The following ULK4 variants were observed in gnomAD, a reference collection of about 807,000 sequenced individuals.
ULK4 encodes inactive serine/threonine-protein kinase ULK4.
ULK4 carries 133 observed loss-of-function variants against 160.6 expected under a neutral mutation model. That is an observed-to-expected ratio of 0.83 (90% CI 0.72 to 0.96). The LOEUF (loss-of-function observed/expected upper bound fraction) is 0.96. Ranked by LOEUF, ULK4 falls within the 40% of genes least tolerant of loss-of-function variation. The pLI is 0.00. For missense variants in ULK4, 1,580 were observed against 1,499.5 expected, an observed-to-expected ratio of 1.05 and a Z score of -0.89; for synonymous variants, 534 against 539.8, an observed-to-expected ratio of 0.99 and a Z score of 0.15.
chr3:41,525,106 A>G (rs559609115), intron 32 of ULK4, among the ~76,000 whole-genome samples: 57 of 152,282 alleles, frequency 3.7e-4, no homozygotes, highest in Non-Finnish European at 1.2e-4. Context: ...TTTTTCTATT[A>G]TCTGCTGTGA....
chr3:41,372,038 G>A (rs1245049050), intron 35 of ULK4, among the ~76,000 whole-genome samples: 2 of 151,724 alleles, frequency 1.3e-5, no homozygotes, highest in East Asian at 3.9e-4. Flanking sequence ...CAGAAGAAAG[G>A]ATATCAGAGA....
intron 30 of ULK4, among the ~76,000 whole-genome samples, chr3:41,642,551 G>T (rs1486149782): frequency 3.9e-5 from 6 of 152,238 alleles, no homozygotes; most frequent in Admixed American, 3.9e-4. Flanking sequence ...AGTATTCCAT[G>T]GTGTATATGT....
At chr3:41,851,260 T>C (rs1017215009) in intron 17 of ULK4, among the ~76,000 whole-genome samples, 1 of 151,736 alleles carries the variant, frequency 6.6e-6, no homozygotes, top group African/African-American at 2.4e-5. Context: ...CATCAATACC[T>C]AATTTATTGA....
In ULK4 at chr3:41,418,347, G is replaced by A. The variant is rs112879717; in HGVS notation, c.3493-20083C>T. Among the ~76,000 whole-genome samples the A allele has an allele frequency of 2.0e-4, 29 of 145,854 alleles. 1 individual carries two copies. The highest frequency in any genetic ancestry group is 5.3e-4 in the African/African-American group (21 of 39,414). ...TACTTTTTTTCTTAATTTGGCGGGG[G>A]GGGGGGCACGTTTCTAAGCTACACA... is the stretch of plus-strand genomic sequence containing the variant. On this transcript the variant is annotated intron_variant, in intron 34 of 36. Transcript: ENST00000301831.
Position 41,865,461 on chromosome 3 carries a change from A to G in ULK4, c.1656+18413T>C, listed in dbSNP as rs1219436819. Among the ~76,000 whole-genome samples, 5 of 152,116 alleles carry G rather than the reference A, an allele frequency of 3.3e-5. No individual in the cohort carries two copies. The South Asian group carries it at 1.0e-3, about 32-fold the overall frequency. On this transcript the variant is annotated intron_variant, in intron 17 of 36. Transcript: ENST00000301831. ...GTCTATTTTCAACTTATGTAACTCAAAAGTAAAAAAGATGACCATTTTCTC... is the reference window on the plus strand; with the variant it reads ...GTCTATTTTCAACTTATGTAACTCAGAAGTAAAAAAGATGACCATTTTCTC...
intron 30 of ULK4, among the ~76,000 whole-genome samples, chr3:41,640,965 C>T (rs2034162989): frequency 6.6e-6 from 1 of 152,180 alleles, no homozygotes; most frequent in African/African-American, 2.4e-5. Flanking sequence ...TCCTTCATTC[C>T]CATTCATTGT....
At chr3:41,543,641 T>C (rs2086765757) in intron 32 of ULK4, among the ~76,000 whole-genome samples, 1 of 152,176 alleles carries the variant, frequency 6.6e-6, no homozygotes, top group African/African-American at 2.4e-5. Context: ...ATTCAGTCAG[T>C]TTTAACAGTT....
intron 31 of ULK4, among the ~76,000 whole-genome samples, chr3:41,590,225 C>T (rs1234732180): frequency 6.6e-6 from 1 of 151,534 alleles, no homozygotes; most frequent in Non-Finnish European, 1.5e-5. Context: ...GATGGTCTCG[C>T]TCTCCTGACC....
chr3:41,487,532 C>T (rs988282769), intron 32 of ULK4, among the ~76,000 whole-genome samples: 7 of 151,928 alleles, frequency 4.6e-5, no homozygotes, highest in South Asian at 2.1e-4. Flanking sequence ...AGAGTCTAGA[C>T]GTAGATAATA....
chr3:41,423,077 C>A (rs2082696926), intron 34 of ULK4, among the ~76,000 whole-genome samples: 1 of 152,056 alleles, frequency 6.6e-6, no homozygotes, highest in Admixed American at 6.5e-5. Flanking sequence ...AAGCAAGTTA[C>A]AAAATATGTA....
At chr3:41,479,355 C>T (rs905843531) in intron 32 of ULK4, among the ~76,000 whole-genome samples, 3 of 151,928 alleles carry the variant, frequency 2.0e-5, no homozygotes, top group Admixed American at 2.0e-4. Flanking sequence ...GAAGGAATTA[C>T]AAAAAAAGTA....
chr3:41,724,289 T>G lies in ULK4; in HGVS notation c.2322-6428A>C, dbSNP rs749525333. On this transcript the variant is annotated intron_variant, in intron 22 of 36. Coordinates refer to ENST00000301831, the MANE Select transcript of ULK4 (RefSeq NM_017886.4). ...AACTTATGCTGGATGCACATAAACA[T>G]TTCTATTGGATATATCTGTATCCTT... is the stretch of plus-strand genomic sequence containing the variant. 7.9e-5 allele frequency among the ~76,000 whole-genome samples: 12 copies of G among 152,182 alleles called. 1 individual carries two copies. The highest frequency in any genetic ancestry group is 1.5e-4 in the Non-Finnish European group (10 of 68,028).
intron 32 of ULK4, among the ~76,000 whole-genome samples, chr3:41,481,866 T>A (rs1407807079): frequency 6.6e-6 from 1 of 151,646 alleles, no homozygotes; most frequent in Non-Finnish European, 1.5e-5. Context: ...GCATTCCTAA[T>A]TTTGCTTTAA....
At chr3:41,308,753 T>A (rs1397853444) in intron 35 of ULK4, among the ~76,000 whole-genome samples, 1 of 152,196 alleles carries the variant, frequency 6.6e-6, no homozygotes, top group Non-Finnish European at 1.5e-5. Flanking sequence ...GAAATGCTCA[T>A]TGGAGCATTT....
intron 19 of ULK4, among the ~76,000 whole-genome samples, chr3:41,802,620 A>T: frequency 6.6e-6 from 1 of 152,182 alleles, no homozygotes; most frequent in East Asian, 1.9e-4. Flanking sequence ...TTTAAACCAG[A>T]AATGACAAAA....
intron 31 of ULK4, among the ~76,000 whole-genome samples, chr3:41,587,071 C>A (rs779303198): frequency 6.6e-6 from 1 of 152,114 alleles, no homozygotes; most frequent in Non-Finnish European, 1.5e-5. Context: ...TATTTAGAGG[C>A]TCCATGGAAG....
At chr3:41,636,033 C>T (rs555789126) in intron 30 of ULK4, among the ~76,000 whole-genome samples, 3 of 152,100 alleles carry the variant, frequency 2.0e-5, no homozygotes, top group Non-Finnish European at 4.4e-5. Flanking sequence ...CAAAATAAAC[C>T]TAGTGGGGTT....
Position 41,896,843 on chromosome 3 carries a change from G to C in ULK4, c.1509C>G (p.Thr503=), listed in dbSNP as rs199883434. The part of the protein sequence containing the change: ...CVVAGHQEVA[T]RLLHSPLFQL... ...TTACCAGGGGGGAATGGAGGAGCCT[G>C]GTGGCCACCTCCTGGTGACCAGCCA... The change falls in exon 15 of 37, where the codon ACC becomes ACG. Residue 503 remains threonine (T), a synonymous_variant. Transcript: ENST00000301831. 2.5e-6 allele frequency: 4 copies of C among 1,612,716 alleles called. No individual in the cohort carries two copies. The highest frequency in any genetic ancestry group is 8.5e-7 in the Non-Finnish European group (1 of 1,179,682).
At chr3:41,902,575 C>CAAAA (rs35656981) in intron 12 of ULK4, among the ~76,000 whole-genome samples, 4 of 53,246 alleles carry the variant, frequency 7.5e-5, no homozygotes, top group Middle Eastern at 9.3e-3. Context: ...GAGACTCCAC[C>CAAAA]AAAAAAAAAA....
Sources: gnomAD v4.1 joint callset for allele counts (sites outside exome capture counted in the v4.1 genomes callset) on GRCh38, gnomAD v4.1.1 for gene constraint, MANE v1.5 for transcripts, NCBI Gene and HGNC (gene_info 2026-07-23, HGNC 2026-07-21) for gene names.